ZNF493: variants seen among roughly 807,000 people sequenced by gnomAD.
ZNF493 encodes zinc finger protein 493.
ZNF493 carries 11 observed loss-of-function variants against 12.2 expected under a neutral mutation model. The observed-to-expected ratio is 0.90, with a 90% CI of 0.57 to 1.50. The LOEUF (loss-of-function observed/expected upper bound fraction) is 1.50, where lower values mean the gene tolerates loss of function less well. Ranked by LOEUF, ZNF493 falls within the 40% of genes most tolerant of loss-of-function variation. The pLI, the probability that ZNF493 is intolerant of heterozygous loss-of-function variation, is 0.00. For synonymous variants in ZNF493, 286 were observed against 302.6 expected (o/e 0.95, Z 0.57); for missense variants, 950 against 906.6 (o/e 1.05, Z -0.61).
At chr19:21,422,423 CTTTATTTATTTA>C (rs56412249) in intron 3 of ZNF493, among the ~76,000 whole-genome samples, 33 of 129,504 alleles carry the variant, frequency 2.5e-4, no homozygotes, top group South Asian at 1.4e-3. Context: ...CAAGTTACTT[CTTTATTTATTTA>C]TTTATTTATT....
At chr19:21,414,485 AG>A (rs1206244280) in intron 3 of ZNF493, 1 of 152,254 alleles carries the variant, frequency 6.6e-6, no homozygotes, top group African/African-American at 2.4e-5. Flanking sequence ...CTTCAGTCAA[AG>A]GTCCTGGAAG....
intron 1 of ZNF493, among the ~76,000 whole-genome samples, chr19:21,403,365 A>G (rs2030008916): frequency 6.6e-6 from 1 of 152,226 alleles, no homozygotes; most frequent in Non-Finnish European, 1.5e-5. Flanking sequence ...TATTTTCATT[A>G]CTATAGCAGA....
chr19:21,408,324 TC>T (rs1008587553), intron 3 of ZNF493: 20 of 655,876 alleles, frequency 3.0e-5, no homozygotes, highest in Non-Finnish European at 3.6e-5. Flanking sequence ...AGACGGGGTT[TC>T]ACCATGTTGG....
chr19:21,410,598 C>G (rs375904138), intron 3 of ZNF493, among the ~76,000 whole-genome samples: 1 of 151,926 alleles, frequency 6.6e-6, no homozygotes, highest in East Asian at 1.9e-4. Context: ...TGAATATTAA[C>G]TACTATCACA....
intron 3 of ZNF493, among the ~76,000 whole-genome samples, chr19:21,406,657 C>G (rs1170014021): frequency 6.6e-6 from 1 of 151,982 alleles, no homozygotes; most frequent in Non-Finnish European, 1.5e-5. Context: ...TGTTAATTTT[C>G]TGAACATTCC....
chr19:21,413,298 T>C, intron 3 of ZNF493: 1 of 394,174 alleles, frequency 2.5e-6, no homozygotes, highest in Non-Finnish European at 4.5e-6. Flanking sequence ...TGTCATAGAG[T>C]GATTACATCC....
At chr19:21,410,251 TTGA>T (rs1276336853) in intron 3 of ZNF493, among the ~76,000 whole-genome samples, 1 of 151,906 alleles carries the variant, frequency 6.6e-6, no homozygotes, top group Non-Finnish European at 1.5e-5. Flanking sequence ...ATTGCTGTAT[TTGA>T]TGATAATTCC....
intron 3 of ZNF493, among the ~76,000 whole-genome samples, chr19:21,406,849 G>A (rs2030147622): frequency 1.3e-5 from 2 of 151,670 alleles, no homozygotes; most frequent in South Asian, 2.1e-4. Context: ...AATTTTGATA[G>A]GTCGTTTGCT....
chr19:21,411,034 C>T lies in ZNF493; in HGVS notation c.253+5178C>T, dbSNP rs1387701056. Among the ~76,000 whole-genome samples, 3 of 152,162 alleles carry T rather than the reference C, an allele frequency of 2.0e-5. No homozygotes were observed. In the East Asian group the frequency reaches 5.8e-4, roughly 29 times the overall value. ...GGAACTCCTGACCTCAGGTGATCCACCTGCCTTGGCCTCCCAAAGTGCTAG... is the reference window on the plus strand; with the variant it reads ...GGAACTCCTGACCTCAGGTGATCCATCTGCCTTGGCCTCCCAAAGTGCTAG... On this transcript the variant is annotated intron_variant, in intron 3 of 3. Coordinates refer to ENST00000392288, the MANE Select transcript of ZNF493 (RefSeq NM_001076678.3).
At chr19:21,409,116 C>G (rs1396345480) in intron 3 of ZNF493, among the ~76,000 whole-genome samples, 1 of 151,858 alleles carries the variant, frequency 6.6e-6, no homozygotes, top group Non-Finnish European at 1.5e-5. Flanking sequence ...GATCTCCTGA[C>G]CTCGTGATCT....
intron 3 of ZNF493, chr19:21,408,493 C>A: frequency 1.0e-6 from 1 of 983,078 alleles, no homozygotes; most frequent in Non-Finnish European, 1.2e-6. Flanking sequence ...AATTATACTG[C>A]ATATTCTCTG....
intron 1 of ZNF493, among the ~76,000 whole-genome samples, chr19:21,404,498 A>G (rs746787731): frequency 2.6e-5 from 4 of 152,182 alleles, no homozygotes; most frequent in Non-Finnish European, 5.9e-5. Flanking sequence ...ATCACATTTA[A>G]TCTGGCAGCT....
chr19:21,405,925 A>C, intron 3 of ZNF493, 69 bp downstream of exon 3: 1 of 1,265,178 alleles, frequency 7.9e-7, no homozygotes, highest in Non-Finnish European at 1.1e-6. Flanking sequence ...AAAAAAAAAA[A>C]AAAAGCCAGT....
intron 3 of ZNF493, among the ~76,000 whole-genome samples, chr19:21,416,718 T>A (rs2262896): frequency 0.73 from 110,382 of 152,066 alleles, 40,102 homozygotes; most frequent in Middle Eastern, 0.77. Flanking sequence ...CCATTCCCAC[T>A]TATGGCACAA....
intron 1 of ZNF493, chr19:21,397,574 CAG>C (rs1974193804): frequency 5.3e-6 from 3 of 562,418 alleles, no homozygotes; most frequent in South Asian, 2.4e-5. Context: ...GGAGGGTCAT[CAG>C]GGGAGAATCC....
At chr19:21,418,506 T>C (rs1222274135) in intron 3 of ZNF493, among the ~76,000 whole-genome samples, 2 of 152,146 alleles carry the variant, frequency 1.3e-5, no homozygotes, top group Non-Finnish European at 2.9e-5. Flanking sequence ...TCAACCTGGA[T>C]TCGAGCCCCC....
chr19:21,417,920 A>G (rs1186656461), intron 3 of ZNF493, among the ~76,000 whole-genome samples: 1 of 152,232 alleles, frequency 6.6e-6, no homozygotes, highest in African/African-American at 2.4e-5. Flanking sequence ...AACCTAGTCC[A>G]TACTGATTAA....
intron 3 of ZNF493, among the ~76,000 whole-genome samples, chr19:21,411,656 G>T (rs567464159): frequency 6.6e-6 from 1 of 151,694 alleles, no homozygotes; most frequent in South Asian, 2.1e-4. Flanking sequence ...GGAGGCAGAG[G>T]TTGCAGTGAG....
chr19:21,407,675 A>G (rs931641986), intron 3 of ZNF493: 2 of 968,568 alleles, frequency 2.1e-6, no homozygotes, highest in African/African-American at 1.8e-5. Flanking sequence ...TTAATTTTAT[A>G]TTTTGTTAAT....
Sources: allele counts gnomAD v4.1 joint callset (sites outside exome capture counted in the v4.1 genomes callset), GRCh38; gene constraint gnomAD v4.1.1; transcripts MANE v1.5; gene names NCBI Gene and HGNC (gene_info 2026-07-23, HGNC 2026-07-21).